Variants in CCDC73 observed in about 807,000 individuals in gnomAD.
CCDC73 encodes the protein coiled-coil domain-containing protein 73.
CCDC73 carries 95 observed loss-of-function variants against 116.5 expected under a neutral mutation model. That is an observed-to-expected ratio of 0.82 (90% CI 0.69 to 0.97). CCDC73 has a LOEUF of 0.97. Ranked by LOEUF, CCDC73 falls within the 50% of genes least tolerant of loss-of-function variation. CCDC73 has a pLI of 0.00. For synonymous variants in CCDC73, 398 were observed against 401.3 expected, an observed-to-expected ratio of 0.99 and a Z score of 0.10; for missense variants, 1,066 against 1,206.8, an observed-to-expected ratio of 0.88 and a Z score of 1.73.
At chr11:32,644,340 G>A (rs558230848) in intron 12 of CCDC73, among the ~76,000 whole-genome samples, 22 of 152,244 alleles carry the variant, frequency 1.4e-4, no homozygotes, top group Admixed American at 8.5e-4. Context: ...ACTGAGGGTG[G>A]AGGGAGATCA....
At chr11:32,704,573 C>G (rs968310230) in intron 3 of CCDC73, among the ~76,000 whole-genome samples, 7 of 152,182 alleles carry the variant, frequency 4.6e-5, no homozygotes, top group African/African-American at 9.6e-5. Context: ...GCACTACAGA[C>G]AGCATGTTGA....
chr11:32,657,009 C>T (rs556449459), intron 9 of CCDC73, among the ~76,000 whole-genome samples: 1 of 152,172 alleles, frequency 6.6e-6, no homozygotes, highest in Non-Finnish European at 1.5e-5. Flanking sequence ...CAGGTACTAT[C>T]ACATAGAGAG....
At chr11:32,808,141 T>C in the CCDC73 span, among the ~76,000 whole-genome samples, 2 of 151,066 alleles carry the variant, frequency 1.3e-5, no homozygotes, top group African/African-American at 2.4e-5. Flanking sequence ...AACTCAGAAA[T>C]TTAACCAAAT....
At chr11:32,820,236 CT>C in the CCDC73 span, among the ~76,000 whole-genome samples, 1 of 152,074 alleles carries the variant, frequency 6.6e-6, no homozygotes, top group East Asian at 1.9e-4. Flanking sequence ...TCACTGCAGC[CT>C]CGATCTCCCA....
chr11:32,779,263 C>CAAAAAA (rs34184527), intron 1 of CCDC73, among the ~76,000 whole-genome samples: 3 of 110,048 alleles, frequency 2.7e-5, no homozygotes, highest in African/African-American at 1.0e-4. Context: ...TCATGTGGGG[C>CAAAAAA]AAAAAAAAAA....
chr11:32,793,398 C>T (rs1850693712), intron 1 of CCDC73, among the ~76,000 whole-genome samples: 1 of 152,034 alleles, frequency 6.6e-6, no homozygotes, highest in Non-Finnish European at 1.5e-5. Flanking sequence ...ACAAAGAGAG[C>T]CATAGGAATT....
chr11:32,789,434 T>C (rs985170411), intron 1 of CCDC73, among the ~76,000 whole-genome samples: 10 of 152,198 alleles, frequency 6.6e-5, no homozygotes, highest in African/African-American at 1.9e-4. Flanking sequence ...CAAACATTTA[T>C]TGAGTCTCTT....
intron 2 of CCDC73, among the ~76,000 whole-genome samples, chr11:32,735,275 C>T (rs1850118465): frequency 6.6e-6 from 1 of 152,178 alleles, no homozygotes; most frequent in Non-Finnish European, 1.5e-5. Flanking sequence ...AAAACCCCAT[C>T]ATCTCAGCCC....
In CCDC73 at chr11:32,791,804, A is replaced by C. The variant is rs540758979; in HGVS notation, c.-16+2809T>G. Among the ~76,000 whole-genome samples, 4 of 152,290 alleles carry C rather than the reference A, an allele frequency of 2.6e-5. No homozygotes were observed. In the South Asian group the frequency reaches 8.3e-4, roughly 32 times the overall value. ...GGTGAAACCCCATCTCTACCAAAAAACAAAATCAAAAAGTATCCAGTTGCG... is the reference window on the plus strand; with the variant it reads ...GGTGAAACCCCATCTCTACCAAAAACCAAAATCAAAAAGTATCCAGTTGCG... On this transcript the variant is annotated intron_variant, in intron 1 of 17. Coordinates refer to ENST00000335185, the MANE Select transcript of CCDC73 (RefSeq NM_001008391.4).
At chr11:32,731,363 C>T (rs192076135) in intron 2 of CCDC73, among the ~76,000 whole-genome samples, 4 of 152,318 alleles carry the variant, frequency 2.6e-5, no homozygotes, top group Admixed American at 1.3e-4. Flanking sequence ...CATAGATGAA[C>T]AAAAGGCATC....
At chr11:32,636,602 A>C (rs1213861712) in intron 13 of CCDC73, among the ~76,000 whole-genome samples, 3 of 152,126 alleles carry the variant, frequency 2.0e-5, no homozygotes, top group Non-Finnish European at 4.4e-5. Flanking sequence ...CTCTTGAACA[A>C]TTTTAAAACT....
At chr11:32,786,742 C>G (rs1850632978) in intron 1 of CCDC73, among the ~76,000 whole-genome samples, 1 of 151,708 alleles carries the variant, frequency 6.6e-6, no homozygotes, top group Non-Finnish European at 1.5e-5. Flanking sequence ...ATCTTAAATA[C>G]TCTACAGTGG....
At chr11:32,725,962 C>T (rs1850027016) in intron 2 of CCDC73, among the ~76,000 whole-genome samples, 1 of 152,160 alleles carries the variant, frequency 6.6e-6, no homozygotes, top group Non-Finnish European at 1.5e-5. Flanking sequence ...CCCCAAAGAG[C>T]TACACTTTTA....
chr11:32,759,869 C>G (rs1046934711), intron 2 of CCDC73, among the ~76,000 whole-genome samples: 2 of 152,166 alleles, frequency 1.3e-5, no homozygotes, highest in African/African-American at 4.8e-5. Context: ...TACTAGCTGA[C>G]TTATCAAGTA....
At chr11:32,654,791 A>T (rs1382603131) in intron 10 of CCDC73, 53 bp downstream of exon 10, 1 of 1,260,580 alleles carries the variant, frequency 7.9e-7, no homozygotes. Flanking sequence ...TGAAATTCTC[A>T]TAAGTTTTAT....
intron 9 of CCDC73, among the ~76,000 whole-genome samples, chr11:32,657,482 A>G (rs768164349): frequency 6.6e-6 from 1 of 152,150 alleles, no homozygotes; most frequent in African/African-American, 2.4e-5. Context: ...GGCCTTGAAG[A>G]ATGAGTAGTA....
intron 14 of CCDC73, among the ~76,000 whole-genome samples, chr11:32,626,466 G>A (rs1267517081): frequency 6.6e-6 from 1 of 151,930 alleles, no homozygotes; most frequent in Admixed American, 6.6e-5. Context: ...CACAGAATTG[G>A]AAAAAACTAC....
chr11:32,637,080 C>T (rs930817699), intron 13 of CCDC73, among the ~76,000 whole-genome samples: 7 of 126,888 alleles, frequency 5.5e-5, no homozygotes, highest in African/African-American at 2.2e-4. Context: ...AGTGCAGTGG[C>T]GTGATCTTGG....
intron 6 of CCDC73, among the ~76,000 whole-genome samples, chr11:32,695,218 A>T (rs188181444): frequency 6.6e-6 from 1 of 152,190 alleles, no homozygotes; most frequent in African/African-American, 2.4e-5. Flanking sequence ...AAAATACAAA[A>T]ATTAGCTTGG....
Sources: gnomAD v4.1 joint callset for allele counts (sites outside exome capture counted in the v4.1 genomes callset) on GRCh38, gnomAD v4.1.1 for gene constraint, MANE v1.5 for transcripts, NCBI Gene and HGNC (gene_info 2026-07-23, HGNC 2026-07-21) for gene names.